Variants in DIDO1 observed in about 807,000 individuals in gnomAD.
DIDO1 encodes the protein death inducer-obliterator 1.
Under a neutral mutation model 99.4 loss-of-function variants are expected in DIDO1, and 16 were observed. The ratio of observed to expected loss-of-function variants is 0.16; its 90% CI spans 0.11 to 0.24. The LOEUF is 0.24. DIDO1 is among the 10% of genes least tolerant of loss of function. The pLI, the probability that DIDO1 is intolerant of heterozygous loss-of-function variation, is 1.00. For synonymous variants in DIDO1, 1,366 were observed against 1,239.1 expected (o/e 1.10, Z -2.15); for missense variants, 2,996 against 3,014.0 (o/e 0.99, Z 0.14).
intron 1 of DIDO1, among the ~76,000 whole-genome samples, chr20:62,920,080 C>T (rs1270133978): frequency 6.6e-6 from 1 of 152,194 alleles, no homozygotes; most frequent in Non-Finnish European, 1.5e-5. Context: ...TCCTGTTGCT[C>T]TTAATAAAAG....
chr20:62,891,160 A>G lies in DIDO1; in HGVS notation c.3346-5T>C. The G allele has an allele frequency of 3.7e-6, 6 of 1,613,950 alleles. No individual in the cohort carries two copies. The highest frequency in any genetic ancestry group is 5.1e-6 in the Non-Finnish European group (6 of 1,179,970). On this transcript the variant is annotated splice_region_variant and splice_polypyrimidine_tract_variant and intron_variant, in intron 14 of 15. Transcript: ENST00000395343. ...GAAGCGGATCAGACAGAGCTCCTGC[A>G]ATGGAAGAGTGGGAAGCACTCATAA...
intron 6 of DIDO1, among the ~76,000 whole-genome samples, chr20:62,901,072 A>C (rs1387330897): frequency 6.6e-6 from 1 of 152,216 alleles, no homozygotes; most frequent in African/African-American, 2.4e-5. Flanking sequence ...AACATGCTAG[A>C]ATGTGTTCAC....
chr20:62,884,529 C>T (rs73918853), intron 15 of DIDO1, among the ~76,000 whole-genome samples: 1,885 of 152,320 alleles, frequency 0.012, 37 homozygotes, highest in African/African-American at 0.042. Context: ...TATGATTTCC[C>T]GTGCTTCAGG....
chr20:62,910,288 G>A (rs529079935), intron 3 of DIDO1, among the ~76,000 whole-genome samples: 1 of 152,170 alleles, frequency 6.6e-6, no homozygotes, highest in East Asian at 1.9e-4. Context: ...CTGCGACAAT[G>A]CCTTTATCCC....
chr20:62,935,833 A>C (rs2065377213), intron 1 of DIDO1, among the ~76,000 whole-genome samples: 1 of 152,240 alleles, frequency 6.6e-6, no homozygotes, highest in Non-Finnish European at 1.5e-5. Context: ...CTGGAGCTCA[A>C]CAGGAGTTAC....
chr20:62,915,056 G>T (rs2065014811), intron 1 of DIDO1, among the ~76,000 whole-genome samples: 1 of 152,088 alleles, frequency 6.6e-6, no homozygotes, highest in Admixed American at 6.5e-5. Flanking sequence ...CCCCAAAGCC[G>T]ACACTTCCAA....
rs775573973 is a variant in DIDO1 at position 62,911,056 on chromosome 20, C to T, written c.557G>A (p.Ser186Asn). 3 of 1,613,720 alleles carry T rather than the reference C, an allele frequency of 1.9e-6. No individual in the cohort carries two copies. In the South Asian group the frequency reaches 3.3e-5, roughly 18 times the overall value. Residue 186 changes from serine (S) to asparagine (N), a missense_variant, in exon 3 of 16, where the codon AGT becomes AAT. By Grantham distance (46) the Ser-to-Asn change is conservative (BLOSUM62 1). Around this residue, in one of 5 missense-constraint regions of DIDO1, gnomAD observed 388 missense variants for 376.6 expected, o/e 1.03. Transcript: ENST00000395343. This position sits in a 1 kb window ranked among gnomAD's most constrained non-coding sequence, Gnocchi z 7.0. ...PTERPLKGIQ[S>N]RLRKKRREEG... The stretch of plus-strand genomic sequence containing the variant: ...CTCCCGGCGCTTCTTCCGCAGGCGA[C>T]TCTGGATCCCTTTCAGGGGCCTCTC...
Position 62,907,902 on chromosome 20 carries a change from T to C in DIDO1, c.1162-543A>G, listed in dbSNP as rs2064842373. On this transcript the variant is annotated intron_variant, in intron 4 of 15. Transcript: ENST00000395343. The stretch of plus-strand genomic sequence containing the variant: ...GGCAAGGCTGCCAAGTAAAATACAG[T>C]ATGCCAATGAAATCGGAATGTCAGA... Among the ~76,000 whole-genome samples the C allele has an allele frequency of 5.3e-5, 8 of 152,230 alleles. No homozygotes were observed. In the South Asian group the frequency reaches 1.4e-3, roughly 28 times the overall value.
At chr20:62,899,089 C>G (rs1003043831) in intron 6 of DIDO1, among the ~76,000 whole-genome samples, 1 of 152,164 alleles carries the variant, frequency 6.6e-6, no homozygotes, top group Non-Finnish European at 1.5e-5. Context: ...GCTGGAGGCA[C>G]ACCGGCAGGA....
chr20:62,906,310 G>A (rs978973880), intron 5 of DIDO1, among the ~76,000 whole-genome samples: 6 of 152,204 alleles, frequency 3.9e-5, no homozygotes, highest in African/African-American at 1.4e-4. Context: ...GCAAAACTGA[G>A]AACTTCAACC....
rs192845294 is a variant in DIDO1 at position 62,902,153 on chromosome 20, G to A, written c.1588+3734C>T. 5.3e-5 allele frequency among the ~76,000 whole-genome samples: 8 copies of A among 152,330 alleles called. No homozygotes were observed. In the East Asian group the frequency reaches 7.7e-4, roughly 15 times the overall value. On this transcript the variant is annotated intron_variant, in intron 6 of 15. Coordinates refer to ENST00000395343, the MANE Select transcript of DIDO1 (RefSeq NM_001193369.2). Reference sequence around the variant, plus strand: ...GGGATGGACAGGGGCACCACGGGACGGTGCTGATGTGGGACTTCACCGTGC... The same window carrying A: ...GGGATGGACAGGGGCACCACGGGACAGTGCTGATGTGGGACTTCACCGTGC...
intron 6 of DIDO1, among the ~76,000 whole-genome samples, chr20:62,899,085 G>A (rs111420994): frequency 0.012 from 1,795 of 152,278 alleles, 31 homozygotes; most frequent in African/African-American, 0.041. Flanking sequence ...GGGCGCTGGA[G>A]GCACACCGGC....
rs754487765 is a variant in DIDO1 at position 62,881,151 on chromosome 20, CCCA to C, written c.4802_4804del (p.Val1601del). ...CTCCGGGACTGGCATGGGCGCCTGG[CCCA>C]CGAGGCCACCCCTGGAAGCATCTCT... On this transcript the variant is annotated inframe_deletion, in exon 16 of 16. Transcript: ENST00000395343. The surrounding 1 kb of genome is among the most constrained non-coding windows in gnomAD (Gnocchi z 8.3). 14 of 1,607,698 alleles carry C rather than the reference CCCA, an allele frequency of 8.7e-6. No homozygotes were observed. The Admixed American group carries it at 1.8e-4, about 21-fold the overall frequency.
At chr20:62,926,308 G>A (rs2065254459) in intron 1 of DIDO1, 131 bp downstream of exon 1, 1 of 151,760 alleles carries the variant, frequency 6.6e-6, no homozygotes, top group Admixed American at 6.6e-5. Context: ...TCTTCTCGGC[G>A]GGAGCGGCCT....
intron 6 of DIDO1, among the ~76,000 whole-genome samples, chr20:62,902,186 C>T (rs1000082404): frequency 1.1e-4 from 17 of 152,186 alleles, no homozygotes; most frequent in Non-Finnish European, 2.9e-5. Context: ...TGCAGGGTCA[C>T]GGTTACGGAG....
rs958540208 is a variant in DIDO1 at position 62,880,379 on chromosome 20, C to T, written c.5577G>A (p.Pro1859=). Residue 1859 remains proline (P), a synonymous_variant, in exon 16 of 16, where the codon CCG becomes CCA. Coordinates refer to ENST00000395343, the MANE Select transcript of DIDO1 (RefSeq NM_001193369.2). ...HGEKREFQDA[P]YNEVTGAPAQ... is the part of the protein sequence containing the mutation. ...CGGGGGCGCCCGTCACCTCGTTATA[C>T]GGGGCGTCCTGGAACTCCCTCTTCT... 5 of 1,612,828 alleles carry T rather than the reference C, an allele frequency of 3.1e-6. No individual in the cohort carries two copies. Among genetic ancestry groups the T allele is most frequent in the Non-Finnish European group, 4.2e-6 (5 of 1,180,008 alleles).
upstream of DIDO1, among the ~76,000 whole-genome samples, chr20:62,927,681 G>C (rs2065278179): frequency 6.6e-6 from 1 of 152,252 alleles, no homozygotes; most frequent in South Asian, 2.1e-4. Flanking sequence ...AGGCTTCTGC[G>C]ATGCTTCCAT....
chr20:62,882,280 G>C lies in DIDO1; in HGVS notation c.3676C>G (p.Pro1226Ala). ...ACTGTGGCTACTTTTGGATAGGCCG[G>C]AACGTCCGCTTCTTCCGGTTGAAGT... ...TRLQPEEADV[P>A]AYPKVATVPQ... The change falls in exon 16 of 16, where the codon CCG becomes GCG. Residue 1226 changes from proline (P) to alanine (A), a missense_variant. Physicochemically the swap from Pro to Ala is conservative, Grantham distance 27. Coordinates refer to ENST00000395343, the MANE Select transcript of DIDO1 (RefSeq NM_001193369.2). 1 of 1,614,004 alleles carries C rather than the reference G, an allele frequency of 6.2e-7. No individual in the cohort carries two copies. The highest frequency in any genetic ancestry group is 8.5e-7 in the Non-Finnish European group (1 of 1,180,036).
At chr20:62,899,924 GA>G (rs1295922190) in intron 6 of DIDO1, among the ~76,000 whole-genome samples, 2 of 152,238 alleles carry the variant, frequency 1.3e-5, no homozygotes, top group Non-Finnish European at 2.9e-5. Context: ...AGCTGCTGCT[GA>G]AATGGGGACA....
Sources: gnomAD v4.1 joint callset for allele counts (sites outside exome capture counted in the v4.1 genomes callset) on GRCh38, gnomAD v4.1.1 for gene constraint, gnomAD v4.1.1 regional missense constraint, Gnocchi (gnomAD v3.1) non-coding constraint, MANE v1.5 for transcripts, NCBI Gene and HGNC (gene_info 2026-07-23, HGNC 2026-07-21) for gene names.